DCC: variants seen among roughly 807,000 people sequenced by gnomAD.
DCC encodes netrin receptor DCC.
DCC carries 58 observed loss-of-function variants against 172.5 expected under a neutral mutation model. The ratio of observed to expected loss-of-function variants is 0.34; its 90% CI spans 0.27 to 0.42. DCC has a LOEUF of 0.42. DCC is among the 10% of genes least tolerant of loss of function. The pLI, the probability that DCC is intolerant of heterozygous loss-of-function variation, is 1.00. For missense variants in DCC, 1,740 were observed against 1,791.0 expected (o/e 0.97, Z 0.51); for synonymous variants, 709 against 644.5 (o/e 1.10, Z -1.52).
At chr18:52,684,821 A>G (rs2035803615) in intron 1 of DCC, among the ~76,000 whole-genome samples, 1 of 152,142 alleles carries the variant, frequency 6.6e-6, no homozygotes, top group Admixed American at 6.6e-5. Context: ...TAAACTACTA[A>G]TGACACAAAT....
At chr18:52,341,270 G>C (rs1983623203) in intron 1 of DCC, among the ~76,000 whole-genome samples, 1 of 152,156 alleles carries the variant, frequency 6.6e-6, no homozygotes, top group Non-Finnish European at 1.5e-5. Context: ...AGCAGGCGAG[G>C]AGGACATCCA....
intron 5 of DCC, among the ~76,000 whole-genome samples, chr18:52,929,817 AACACACACACACACACACACACACACAC>A (rs34457182): frequency 3.5e-5 from 5 of 144,878 alleles, no homozygotes; most frequent in African/African-American, 7.7e-5. Context: ...GGACTTTGCA[AACACACACACACACACACACACACACAC>A]ACACACACAC....
At chr18:52,461,764 G>A (rs1433624080) in intron 1 of DCC, among the ~76,000 whole-genome samples, 1 of 152,166 alleles carries the variant, frequency 6.6e-6, no homozygotes, top group East Asian at 1.9e-4. Context: ...AGATTTATTT[G>A]TGGTGATCTC....
chr18:52,820,835 G>C (rs1222112077), intron 2 of DCC, among the ~76,000 whole-genome samples: 1 of 152,014 alleles, frequency 6.6e-6, no homozygotes, highest in Non-Finnish European at 1.5e-5. Context: ...AGGAATTCAG[G>C]GTAGAACACT....
At chr18:52,525,052 G>C (rs182638042) in intron 1 of DCC, among the ~76,000 whole-genome samples, 61 of 152,026 alleles carry the variant, frequency 4.0e-4, no homozygotes, top group Non-Finnish European at 7.8e-4. Flanking sequence ...TGTTTAGTGG[G>C]TTCTTGTAAG....
At chr18:52,990,388 AAGTC>A (rs1355197917) in intron 5 of DCC, among the ~76,000 whole-genome samples, 9 of 151,952 alleles carry the variant, frequency 5.9e-5, no homozygotes, top group African/African-American at 2.2e-4. Flanking sequence ...TAAAAATACA[AAGTC>A]AGCCAGTTGT....
intron 2 of DCC, among the ~76,000 whole-genome samples, chr18:52,792,759 TATTCCATTCTATTCCATTCCATTCC>T (rs2037795994): frequency 1.1e-4 from 3 of 27,898 alleles, no homozygotes; most frequent in African/African-American, 1.3e-4. Flanking sequence ...CAGTTGATTC[TATTCCATTCTATTCCATTCCATTCC>T]ATTCCATTCC....
At chr18:52,467,182 G>A (rs1988810916) in intron 1 of DCC, among the ~76,000 whole-genome samples, 1 of 152,008 alleles carries the variant, frequency 6.6e-6, no homozygotes, top group East Asian at 1.9e-4. Flanking sequence ...TTCTCCTAAT[G>A]CTATCCCTCC....
chr18:52,370,052 A>T (rs1482074810), intron 1 of DCC, among the ~76,000 whole-genome samples: 1 of 152,220 alleles, frequency 6.6e-6, no homozygotes, highest in Non-Finnish European at 1.5e-5. Context: ...TCCCACTAAC[A>T]GTGTAAAAGC....
intron 1 of DCC, among the ~76,000 whole-genome samples, chr18:52,515,590 G>C (rs1167676779): frequency 3.9e-4 from 9 of 23,280 alleles, no homozygotes; most frequent in Admixed American, 1.1e-3. Flanking sequence ...CTGGGCGACA[G>C]AGCGAAACCC....
At chr18:52,757,904 T>A (rs2037100883) in intron 2 of DCC, among the ~76,000 whole-genome samples, 1 of 152,130 alleles carries the variant, frequency 6.6e-6, no homozygotes, top group Non-Finnish European at 1.5e-5. Flanking sequence ...TGCACACTTA[T>A]TCCCTTATCA....
chr18:53,040,426 G>A (rs2042154070), intron 5 of DCC, among the ~76,000 whole-genome samples: 1 of 151,982 alleles, frequency 6.6e-6, no homozygotes, highest in East Asian at 1.9e-4. Context: ...GCATATGGAA[G>A]TGGTGGTTAA....
At chr18:53,330,149 A>T (rs2057514321) in intron 14 of DCC, among the ~76,000 whole-genome samples, 1 of 152,176 alleles carries the variant, frequency 6.6e-6, no homozygotes, top group South Asian at 2.1e-4. Context: ...GGATTTTGTC[A>T]TCATTTTTTC....
intron 2 of DCC, among the ~76,000 whole-genome samples, chr18:52,821,324 C>T (rs955841713): frequency 2.6e-5 from 4 of 152,162 alleles, no homozygotes; most frequent in Non-Finnish European, 5.9e-5. Context: ...AGGTGTATTC[C>T]TCTCTTCCCC....
At chr18:53,214,385 T>C (rs1309743427) in intron 11 of DCC, among the ~76,000 whole-genome samples, 2 of 152,186 alleles carry the variant, frequency 1.3e-5, no homozygotes, top group Non-Finnish European at 2.9e-5. Context: ...TAATTGAATG[T>C]CAGTTTGGAA....
chr18:52,373,758 A>G (rs765685839), intron 1 of DCC, among the ~76,000 whole-genome samples: 2 of 152,114 alleles, frequency 1.3e-5, no homozygotes, highest in Non-Finnish European at 2.9e-5. Flanking sequence ...GGGCTTTTGT[A>G]GCCTAAATGA....
chr18:52,835,709 G>C (rs1166713664), intron 2 of DCC, among the ~76,000 whole-genome samples: 1 of 151,882 alleles, frequency 6.6e-6, no homozygotes, highest in Non-Finnish European at 1.5e-5. Context: ...TGTATTTTAA[G>C]GTATATTTCC....
At chr18:52,693,369 CTATA>C (rs1013092678) in intron 1 of DCC, among the ~76,000 whole-genome samples, 11 of 146,454 alleles carry the variant, frequency 7.5e-5, no homozygotes, top group Non-Finnish European at 1.3e-4. Flanking sequence ...GAATATATAA[CTATA>C]TATTGTATAT....
intron 5 of DCC, among the ~76,000 whole-genome samples, chr18:52,979,563 A>G (rs2041173388): frequency 6.6e-6 from 1 of 152,184 alleles, no homozygotes; most frequent in African/African-American, 2.4e-5. Flanking sequence ...AATTCAGTTA[A>G]TATTCCCTCT....
Sources: allele counts gnomAD v4.1 joint callset (sites outside exome capture counted in the v4.1 genomes callset), GRCh38; gene constraint gnomAD v4.1.1; transcripts MANE v1.5; gene names NCBI Gene and HGNC (gene_info 2026-07-23, HGNC 2026-07-21).